The following SAMD15 variants were observed in gnomAD, a reference collection of about 807,000 sequenced individuals.
SAMD15 encodes the protein sterile alpha motif domain-containing protein 15.
A neutral mutation model predicts 50.5 loss-of-function variants in SAMD15; 37 were observed. The observed-to-expected ratio is 0.73, with a 90% confidence interval of 0.56 to 0.96. SAMD15 has a LOEUF of 0.96. Ranked by LOEUF, SAMD15 falls within the 40% of genes least tolerant of loss-of-function variation. The pLI is 0.00. For synonymous variants in SAMD15, 255 were observed against 282.8 expected (o/e 0.90, Z 0.99); for missense variants, 789 against 783.8 (o/e 1.01, Z -0.08).
At position 77,377,530 on chromosome 14, in the gene SAMD15, G is replaced by C. The variant is rs779375285; in HGVS notation, c.112G>C (p.Asp38His). The change falls in exon 1 of 3, where the codon GAC (aspartate) becomes CAC (histidine). Residue 38 changes from aspartate (D) to histidine (H), a missense_variant. Physicochemically the swap from Asp to His is moderately conservative, Grantham distance 81. Coordinates refer to ENST00000216471, the MANE Select transcript of SAMD15 (RefSeq NM_001010860.4). Reference protein sequence around the residue: ...LHKLYENAEPDTMAKADSKLP... With the variant: ...LHKLYENAEPHTMAKADSKLP... Reference sequence around the variant, plus strand: ...TAAATTGTATGAAAATGCCGAACCAGACACCATGGCAAAGGCAGACTCGAA... The same window carrying C: ...TAAATTGTATGAAAATGCCGAACCACACACCATGGCAAAGGCAGACTCGAA... 3.1e-6 allele frequency: 5 copies of C among 1,614,152 alleles called. No individual in the cohort carries two copies. The highest frequency in any genetic ancestry group is 2.7e-5 in the African/African-American group (2 of 75,030).
At chr14:77,390,901 A>G (rs1894064603) in intron 2 of SAMD15, 107 bp from the exon 3 acceptor site, 1 of 741,618 alleles carries the variant, frequency 1.3e-6, no homozygotes, top group African/African-American at 1.8e-5. Context: ...AAAAAAAGAA[A>G]GAAATAAGGA....
rs572348345 is a variant in SAMD15, at chr14:77,379,657, C to T, written c.1689+550C>T. On this transcript the variant is annotated intron_variant, in intron 1 of 2. Transcript: ENST00000216471. The stretch of plus-strand genomic sequence containing the variant: ...CCGCCAGCCTCAGCCTCCCAAAGTG[C>T]TGGGATTACAGGCGTGAGCCACCGT... Among the ~76,000 whole-genome samples, 21 of 152,340 alleles carry T rather than the reference C, an allele frequency of 1.4e-4. 1 individual carries two copies. In the South Asian group the frequency reaches 4.1e-3, roughly 30 times the overall value.
intron 2 of SAMD15, among the ~76,000 whole-genome samples, chr14:77,385,449 C>T (rs544593424): frequency 1.3e-5 from 2 of 152,008 alleles, no homozygotes; most frequent in South Asian, 2.1e-4. Flanking sequence ...CTGTACCTGG[C>T]CAATTTTTTT....
rs565420482 is a variant in SAMD15, at chr14:77,389,721, G to A, written c.1789-1287G>A. 4.6e-5 allele frequency among the ~76,000 whole-genome samples: 7 copies of A among 151,942 alleles called. No individual in the cohort carries two copies. The East Asian group carries it at 9.7e-4, about 21-fold the overall frequency. On this transcript the variant is annotated intron_variant, in intron 2 of 2. Coordinates refer to ENST00000216471, the MANE Select transcript of SAMD15 (RefSeq NM_001010860.4). Reference sequence around the variant, plus strand: ...TCACCATGTTAGCGAGGATGGTCTCGATCTCCTGACCTCGTGATCTGCCTG... The same window carrying A: ...TCACCATGTTAGCGAGGATGGTCTCAATCTCCTGACCTCGTGATCTGCCTG...
chr14:77,391,283 A>C lies in SAMD15; in HGVS notation c.*39A>C. ...CACAGAGCTTGAAAGATCAAACTAA[A>C]TTACTTGAGGGAAGAGGTATGGTCT... On this transcript the variant is annotated 3_prime_UTR_variant, in exon 3 of 3. Coordinates refer to ENST00000216471, the MANE Select transcript of SAMD15 (RefSeq NM_001010860.4). 1 of 1,284,672 alleles carries C rather than the reference A, an allele frequency of 7.8e-7. No homozygotes were observed. Among genetic ancestry groups the C allele is most frequent in the Non-Finnish European group, 1.1e-6 (1 of 900,190 alleles). The allele number at this position is 1,284,672 out of a possible 1,614,324, so 79.6% of individuals were successfully genotyped here. A position where few individuals can be genotyped will look rare whatever the true frequency, so the allele number is the denominator to read the frequency against.
At chr14:77,382,275 G>C (rs7150718) in intron 2 of SAMD15, among the ~76,000 whole-genome samples, 86,120 of 151,742 alleles carry the variant, frequency 0.57, 27,251 homozygotes, top group African/African-American at 0.85. Flanking sequence ...CAGGCGCGTG[G>C]CACCACGCCC....
chr14:77,381,016 C>G (rs1893937389), intron 2 of SAMD15, among the ~76,000 whole-genome samples: 1 of 152,134 alleles, frequency 6.6e-6, no homozygotes, highest in South Asian at 2.1e-4. Context: ...GCGTTCTTCT[C>G]TCTATGTCTT....
At chr14:77,389,023 A>G (rs1266998428) in intron 2 of SAMD15, among the ~76,000 whole-genome samples, 1 of 152,040 alleles carries the variant, frequency 6.6e-6, no homozygotes, top group Non-Finnish European at 1.5e-5. Context: ...AGGCTATAGT[A>G]CACTATAATT....
In SAMD15 at chr14:77,378,718, G is replaced by T; in HGVS notation, c.1300G>T (p.Val434Leu). 6.2e-7 allele frequency: 1 copy of T among 1,613,550 alleles called. No individual in the cohort carries two copies. The highest frequency in any genetic ancestry group is 8.5e-7 in the Non-Finnish European group (1 of 1,179,888). Reference sequence around the variant, plus strand: ...AGAACCAATAAAGTCTAAGTATTCTGTAGGAAACGATGAGCTAGAGCACCG... The same window carrying T: ...AGAACCAATAAAGTCTAAGTATTCTTTAGGAAACGATGAGCTAGAGCACCG... ...RPEPIKSKYS[V>L]GNDELEHREP... Residue 434 changes from valine (V) to leucine (L), a missense_variant, in exon 1 of 3, where the codon GTA (valine) becomes TTA (leucine). This residue lies in a region of SAMD15 where 770 missense variants were observed against 745.4 expected (regional missense o/e 1.03). Coordinates refer to ENST00000216471, the MANE Select transcript of SAMD15 (RefSeq NM_001010860.4).
chr14:77,386,644 AAAT>A (rs370906787), intron 2 of SAMD15, among the ~76,000 whole-genome samples: 3 of 152,010 alleles, frequency 2.0e-5, no homozygotes, highest in South Asian at 2.1e-4. Flanking sequence ...CTCATCTCTG[AAAT>A]AATAATAATA....
intron 2 of SAMD15, among the ~76,000 whole-genome samples, chr14:77,385,621 A>G (rs940238148): frequency 6.6e-6 from 1 of 152,070 alleles, no homozygotes; most frequent in African/African-American, 2.4e-5. Context: ...GGCTCTCCTT[A>G]TATGTAAATA....
At chr14:77,384,546 G>T (rs1893983104) in intron 2 of SAMD15, among the ~76,000 whole-genome samples, 1 of 152,028 alleles carries the variant, frequency 6.6e-6, no homozygotes, top group African/African-American at 2.4e-5. Flanking sequence ...CACCATTGGG[G>T]GCTCTTTTAA....
rs148184696 is a variant in SAMD15 at position 77,388,754 on chromosome 14, G to A, written c.1789-2254G>A. Among the ~76,000 whole-genome samples, 1,346 of 151,990 alleles carry A rather than the reference G, an allele frequency of 8.9e-3. 19 individuals carry two copies. The highest frequency in any genetic ancestry group is 0.038 in the South Asian group (181 of 4,818). On this transcript the variant is annotated intron_variant, in intron 2 of 2. Coordinates refer to ENST00000216471, the MANE Select transcript of SAMD15 (RefSeq NM_001010860.4). ...CTCCCGAGTAGCTGGGACTACAGGC[G>A]TGCACCACCACGTCCAGCTAATTTT...
At chr14:77,388,232 C>T (rs1029341783) in intron 2 of SAMD15, among the ~76,000 whole-genome samples, 1 of 152,136 alleles carries the variant, frequency 6.6e-6, no homozygotes, top group African/African-American at 2.4e-5. Context: ...TGTGAAATAA[C>T]CTTTTCTATT....
At position 77,378,279 on chromosome 14, in the gene SAMD15, G is replaced by A. The variant is rs1362923133; in HGVS notation, c.861G>A (p.Glu287=). 6.2e-7 allele frequency: 1 copy of A among 1,612,418 alleles called. No individual in the cohort carries two copies. The highest frequency in any genetic ancestry group is 8.5e-7 in the Non-Finnish European group (1 of 1,179,710). Residue 287 remains glutamate (E), a synonymous_variant, in exon 1 of 3, where the codon GAG becomes GAA. Coordinates refer to ENST00000216471, the MANE Select transcript of SAMD15 (RefSeq NM_001010860.4). The stretch of plus-strand genomic sequence containing the variant: ...AGCCTCCAGAAGAGACTCAACCAGA[G>A]GTTCCAGAGGAGATGCAAAGAAAGG... ...GLEPPEETQP[E]VPEEMQRKAT...
Position 77,391,127 on chromosome 14 carries a change from G to C in SAMD15, c.1908G>C (p.Gly636=). 6.2e-7 allele frequency: 1 copy of C among 1,613,904 alleles called. No homozygotes were observed. ...GLYLEQKGHT[G]IKSDSLTLSE... is the part of the protein sequence containing the mutation. ...ATTTAGAGCAAAAAGGTCATACTGGGATAAAATCTGATTCCTTGACTTTAT... is the reference window on the plus strand; with the variant it reads ...ATTTAGAGCAAAAAGGTCATACTGGCATAAAATCTGATTCCTTGACTTTAT... Residue 636 remains glycine, a synonymous_variant, in exon 3 of 3, where the codon GGG becomes GGC. Transcript: ENST00000216471.
chr14:77,378,537 A>T lies in SAMD15; in HGVS notation c.1119A>T (p.Pro373=), dbSNP rs1381036359. 3 of 1,613,470 alleles carry T rather than the reference A, an allele frequency of 1.9e-6. No homozygotes were observed. Among genetic ancestry groups the T allele is most frequent in the African/African-American group, 1.3e-5 (1 of 74,812 alleles). Residue 373 remains proline (P), a synonymous_variant, in exon 1 of 3, where the codon CCA becomes CCT. Coordinates refer to ENST00000216471, the MANE Select transcript of SAMD15 (RefSeq NM_001010860.4). Reference sequence around the variant, plus strand: ...GAAAGTCAAATGAGAAAAAAAATCCACAGCCACCAGAGGAGACTGGTCCAG... The same window carrying T: ...GAAAGTCAAATGAGAAAAAAAATCCTCAGCCACCAGAGGAGACTGGTCCAG... ...EIRKSNEKKN[P]QPPEETGPVL...
At chr14:77,385,766 C>T (rs185272283) in intron 2 of SAMD15, among the ~76,000 whole-genome samples, 1 of 152,152 alleles carries the variant, frequency 6.6e-6, no homozygotes, top group African/African-American at 2.4e-5. Flanking sequence ...CTTCCCCACC[C>T]CCTTCAGTGA....
At chr14:77,379,680 C>T (rs1893919792) in intron 1 of SAMD15, among the ~76,000 whole-genome samples, 1 of 152,140 alleles carries the variant, frequency 6.6e-6, no homozygotes, top group Admixed American at 6.5e-5. Flanking sequence ...CGTGAGCCAC[C>T]GTGCCCGGCC....
Sources: allele counts gnomAD v4.1 joint callset (sites outside exome capture counted in the v4.1 genomes callset), GRCh38; gene constraint gnomAD v4.1.1; regional missense constraint gnomAD v4.1.1; transcripts MANE v1.5; gene names NCBI Gene and HGNC (gene_info 2026-07-23, HGNC 2026-07-21).